NEMP2: variants seen among roughly 807,000 people sequenced by gnomAD.
The protein encoded by NEMP2 is UPF0571 transmembrane protein.
A neutral mutation model predicts 54.2 loss-of-function variants in NEMP2; 53 were observed. That is an observed-to-expected ratio of 0.98 (90% CI 0.78 to 1.23). NEMP2 has a LOEUF of 1.23. NEMP2 is among the 50% of genes most tolerant of loss of function. NEMP2 has a pLI of 0.00. For synonymous variants in NEMP2, 197 were observed against 190.3 expected (o/e 1.04, Z -0.29); for missense variants, 455 against 511.3 (o/e 0.89, Z 1.06).
At chr2:190,603,137 G>A in the NEMP2 span, among the ~76,000 whole-genome samples, 1 of 152,026 alleles carries the variant, frequency 6.6e-6, no homozygotes, top group Admixed American at 6.6e-5. Context: ...AATTATAAAT[G>A]TATGACATTT....
At chr2:190,442,021 C>T in the NEMP2 span, among the ~76,000 whole-genome samples, 1 of 152,108 alleles carries the variant, frequency 6.6e-6, no homozygotes, top group Non-Finnish European at 1.5e-5. Context: ...AAACAGAATA[C>T]AAATAGAATA....
chr2:190,469,792 C>T, the NEMP2 span: 17 of 1,605,414 alleles, frequency 1.1e-5, no homozygotes, highest in Admixed American at 3.4e-5. The surrounding 1 kb of genome is among the most constrained non-coding windows in gnomAD (Gnocchi z 5.3). Flanking sequence ...CAATACGGCT[C>T]GCTATATTTA....
chr2:190,607,121 C>T, the NEMP2 span, among the ~76,000 whole-genome samples: 84,318 of 151,946 alleles, frequency 0.55, 24,097 homozygotes, highest in East Asian at 0.7. The surrounding 1 kb of genome is among the most constrained non-coding windows in gnomAD (Gnocchi z 5.2). Flanking sequence ...AAGGGGTTCA[C>T]GAGGGCTGGA....
At chr2:190,574,531 T>G in the NEMP2 span, among the ~76,000 whole-genome samples, 1 of 152,142 alleles carries the variant, frequency 6.6e-6, no homozygotes, top group Admixed American at 6.5e-5. Flanking sequence ...TTTAATATAT[T>G]CACAGAGTTG....
At chr2:190,534,906 CGGCCTCGGCCTCGGCCTCGGCCTT>C (rs1237708834), upstream of NEMP2, 1 of 332,270 alleles carries the variant, frequency 3.0e-6, no homozygotes, top group Non-Finnish European at 5.4e-6. Flanking sequence ...GGCATGCTCC[CGGCCTCGGCCTCGGCCTCGGCCTT>C]GGCCTCCGGG....
At chr2:190,422,925 A>G in the NEMP2 span, among the ~76,000 whole-genome samples, 1 of 151,840 alleles carries the variant, frequency 6.6e-6, no homozygotes, top group Non-Finnish European at 1.5e-5. Context: ...TTGTTGTAGA[A>G]TACTGTAGTT....
the NEMP2 span, among the ~76,000 whole-genome samples, chr2:190,603,068 G>T: frequency 3.9e-5 from 6 of 152,242 alleles, no homozygotes; most frequent in Admixed American, 3.9e-4. Flanking sequence ...GGAAAATTTA[G>T]TTTTTCTCAT....
chr2:190,483,403 G>C, the NEMP2 span, among the ~76,000 whole-genome samples: 1 of 152,274 alleles, frequency 6.6e-6, no homozygotes, highest in African/African-American at 2.4e-5. Flanking sequence ...TCTGGACAAG[G>C]CATCTAATAT....
chr2:190,471,746 T>A, the NEMP2 span, among the ~76,000 whole-genome samples: 2 of 152,156 alleles, frequency 1.3e-5, no homozygotes, highest in Non-Finnish European at 2.9e-5. The surrounding 1 kb of genome is among the most constrained non-coding windows in gnomAD (Gnocchi z 4.7). Context: ...AAGACAGTAG[T>A]TCTCCCAGGA....
chr2:190,639,375 T>C, the NEMP2 span, among the ~76,000 whole-genome samples: 2 of 103,096 alleles, frequency 1.9e-5, no homozygotes, highest in African/African-American at 6.9e-5. Context: ...CCAGATTTTG[T>C]TGACCTCCTG....
In NEMP2 at chr2:190,510,609, T is replaced by A. The variant is rs1690326960; in HGVS notation, c.954-72A>T. 1 of 1,502,960 alleles carries A rather than the reference T, an allele frequency of 6.7e-7. No individual in the cohort carries two copies. Among genetic ancestry groups the A allele is most frequent in the South Asian group, 1.2e-5 (1 of 81,598 alleles). The allele number at this position is 1,502,960 out of a possible 1,614,324, so 93.1% of individuals were successfully genotyped here. ...TAAGATTTACAAAAATAGGCCAGGC[T>A]CGGTGGCTCACGCCTGTAATCCAGC... On this transcript the variant is annotated intron_variant, in intron 7 of 8. Coordinates refer to ENST00000409150, the MANE Select transcript of NEMP2 (RefSeq NM_001142645.2). This position sits in a 1 kb window ranked among gnomAD's most constrained non-coding sequence, Gnocchi z 5.7.
chr2:190,466,923 G>A, the NEMP2 span, among the ~76,000 whole-genome samples: 1 of 152,190 alleles, frequency 6.6e-6, no homozygotes, highest in Non-Finnish European at 1.5e-5. Context: ...CATCTGGGAA[G>A]AGGTTTGAAG....
In NEMP2 at chr2:190,514,331, A is replaced by C; in HGVS notation, c.953+122T>G. 1 of 982,022 alleles carries C rather than the reference A, an allele frequency of 1.0e-6. No individual in the cohort carries two copies. Among genetic ancestry groups the C allele is most frequent in the Non-Finnish European group, 1.5e-6 (1 of 652,330 alleles). 60.8% of individuals were successfully genotyped at this position (982,022 alleles called of 1,614,324 possible). On this transcript the variant is annotated intron_variant, in intron 7 of 8. Coordinates refer to ENST00000409150, the MANE Select transcript of NEMP2 (RefSeq NM_001142645.2). The surrounding 1 kb of genome is among the most constrained non-coding windows in gnomAD (Gnocchi z 5.7). ...TACCCCTACACCCCCAATCTTGCTC[A>C]GAATGAAATCTCCAGATCAAATGTA... is the stretch of plus-strand genomic sequence containing the variant.
At chr2:190,613,628 C>T in the NEMP2 span, among the ~76,000 whole-genome samples, 1 of 152,074 alleles carries the variant, frequency 6.6e-6, no homozygotes, top group African/African-American at 2.4e-5. Flanking sequence ...CACTCTGTCA[C>T]CCAGGCTGGA....
At chr2:190,606,039 G>A in the NEMP2 span, among the ~76,000 whole-genome samples, 26 of 152,336 alleles carry the variant, frequency 1.7e-4, no homozygotes, top group African/African-American at 6.3e-4. Context: ...TCAATGGAAT[G>A]TATCTGAGGA....
At chr2:190,483,727 C>G in the NEMP2 span, among the ~76,000 whole-genome samples, 1 of 149,698 alleles carries the variant, frequency 6.7e-6, no homozygotes, top group Non-Finnish European at 1.5e-5. Context: ...CCCAGCTACT[C>G]GGAAGGCTGA....
the NEMP2 span, among the ~76,000 whole-genome samples, chr2:190,471,689 GC>G: frequency 6.6e-6 from 1 of 152,174 alleles, no homozygotes; most frequent in African/African-American, 2.4e-5. This position sits in a 1 kb window ranked among gnomAD's most constrained non-coding sequence, Gnocchi z 4.7. Flanking sequence ...CAAACAAAAG[GC>G]AGCAGAAACC....
the NEMP2 span, among the ~76,000 whole-genome samples, chr2:190,448,155 C>G: frequency 6.6e-6 from 1 of 152,126 alleles, no homozygotes; most frequent in Non-Finnish European, 1.5e-5. Flanking sequence ...CTCTAACAGG[C>G]TGAGGTGATG....
the NEMP2 span, among the ~76,000 whole-genome samples, chr2:190,459,109 AG>A: frequency 1.1e-4 from 16 of 152,196 alleles, no homozygotes; most frequent in African/African-American, 3.6e-4. This position sits in a 1 kb window ranked among gnomAD's most constrained non-coding sequence, Gnocchi z 5.3. Context: ...GGTTTCTCCC[AG>A]AACATCCTAT....
Sources: gnomAD v4.1 joint callset for allele counts (sites outside exome capture counted in the v4.1 genomes callset) on GRCh38, gnomAD v4.1.1 for gene constraint, Gnocchi (gnomAD v3.1) non-coding constraint, MANE v1.5 for transcripts, NCBI Gene and HGNC (gene_info 2026-07-23, HGNC 2026-07-21) for gene names.